Variants in FABP2 observed in about 807,000 individuals in gnomAD.
FABP2 encodes fatty acid-binding protein, intestinal.
In FABP2, 11 loss-of-function variants were observed where a neutral mutation model predicts 16.1. That is an observed-to-expected ratio of 0.68 (90% CI 0.43 to 1.13). FABP2 has a LOEUF of 1.13. Ranked by LOEUF, FABP2 falls within the 50% of genes most tolerant of loss-of-function variation. The pLI, the probability that FABP2 is intolerant of heterozygous loss-of-function variation, is 0.00. For synonymous variants in FABP2, 45 were observed against 50.9 expected (o/e 0.88, Z 0.49); for missense variants, 146 against 155.1 (o/e 0.94, Z 0.31).
chr4:119,319,464 C>T (rs2149498049), intron 3 of FABP2, 72 bp downstream of exon 3: 4 of 832,140 alleles, frequency 4.8e-6, no homozygotes, highest in East Asian at 3.0e-5. Context: ...AGATCTGGCT[C>T]AGCAGTGACA....
chr4:119,320,979 G>T lies in FABP2; in HGVS notation c.68-137C>A, dbSNP rs1578612299. ...CATTGCCTTTGCACAAGAACATTCA[G>T]ATTGCTTCTACAGAAGTTCAGGTTC... On this transcript the variant is annotated intron_variant, in intron 1 of 3. Coordinates refer to ENST00000274024, the MANE Select transcript of FABP2 (RefSeq NM_000134.4). The T allele has an allele frequency of 2.6e-5, 17 of 641,722 alleles. No individual in the cohort carries two copies. The East Asian group carries it at 5.4e-4, about 20-fold the overall frequency. 39.8% of individuals were successfully genotyped at this position (641,722 alleles called of 1,614,324 possible).
At chr4:119,321,452 C>T (rs896521934) in intron 1 of FABP2, among the ~76,000 whole-genome samples, 3 of 152,042 alleles carry the variant, frequency 2.0e-5, no homozygotes, top group Non-Finnish European at 4.4e-5. Flanking sequence ...GGGAATGACA[C>T]AAATTTGTTT....
chr4:119,319,174 A>G (rs1755624749), intron 3 of FABP2, 83 bp from the exon 4 acceptor site: 1 of 654,656 alleles, frequency 1.5e-6, no homozygotes, highest in Non-Finnish European at 2.4e-6. Flanking sequence ...GTTTTATACT[A>G]TATGAGTTTA....
chr4:119,317,782 A>C lies in FABP2; in HGVS notation c.*1259T>G, dbSNP rs1365166641. The C allele has an allele frequency of 2.0e-5, 3 of 152,064 alleles. No individual in the cohort carries two copies. The highest frequency in any genetic ancestry group is 2.1e-4 in the South Asian group (1 of 4,832). 9.4% of individuals were successfully genotyped at this position (152,064 alleles called of 1,614,324 possible). A position where few individuals can be genotyped will look rare whatever the true frequency, so the allele number is the denominator to read the frequency against. On this transcript the variant is annotated 3_prime_UTR_variant, in exon 4 of 4. Transcript: ENST00000274024. ...AAAATACAATTATGTGAAGCACATAAAATTTTACGTCATGTGAAAATATGA... is the reference window on the plus strand; with the variant it reads ...AAAATACAATTATGTGAAGCACATACAATTTTACGTCATGTGAAAATATGA...
At position 119,322,035 on chromosome 4, in the gene FABP2, C is replaced by G. The variant is rs148856496; in HGVS notation, c.67+1G>C. ...GAGCCACAAAGAAATAAAGTCTTTA[C>G]CCATTTTTTCCATGAACTTGTCATA... On this transcript the variant is annotated splice_donor_variant, in intron 1 of 3. Coordinates refer to ENST00000274024, the MANE Select transcript of FABP2 (RefSeq NM_000134.4). LOFTEE classifies it high-confidence loss of function. 2 of 1,610,390 alleles carry G rather than the reference C, an allele frequency of 1.2e-6. No homozygotes were observed. The highest frequency in any genetic ancestry group is 1.7e-6 in the Non-Finnish European group (2 of 1,177,566).
chr4:119,320,731 T>C lies in FABP2; in HGVS notation c.179A>G (p.Glu60Gly). 1 of 1,605,434 alleles carries C rather than the reference T, an allele frequency of 6.2e-7. No individual in the cohort carries two copies. Among genetic ancestry groups the C allele is most frequent in the Non-Finnish European group, 8.5e-7 (1 of 1,177,186 alleles). ...VKESSTFRNIEVVFELGVTFN... is the reference protein window; with the variant it reads ...VKESSTFRNIGVVFELGVTFN... ...GGTGACACCAAGTTCAAAAACAACT[T>C]CAATGTTTCGAAAAGTGCTTGATTC... Residue 60 changes from glutamate to glycine, a missense_variant, in exon 2 of 4, where the codon GAA becomes GGA. Physicochemically the swap from Glu to Gly is moderately conservative, Grantham distance 98. Coordinates refer to ENST00000274024, the MANE Select transcript of FABP2 (RefSeq NM_000134.4).
rs537322305 is a variant in FABP2 at position 119,320,783 on chromosome 4, G to C, written c.127C>G (p.Gln43Glu). The C allele has an allele frequency of 6.2e-7, 1 of 1,604,512 alleles. No individual in the cohort carries two copies. The highest frequency in any genetic ancestry group is 1.3e-5 in the African/African-American group (1 of 74,286). ...AHDNLKLTITQEGNKFTVKES... is the reference protein window; with the variant it reads ...AHDNLKLTITEEGNKFTVKES... Reference sequence around the variant, plus strand: ...TTGACTGTGAATTTATTTCCTTCTTGTGTAATTGTCAGCTTCAAATTGTCA... The same window carrying C: ...TTGACTGTGAATTTATTTCCTTCTTCTGTAATTGTCAGCTTCAAATTGTCA... The change falls in exon 2 of 4, where the codon CAA becomes GAA. Residue 43 changes from glutamine (Q) to glutamate (E), a missense_variant. By Grantham distance (29) the Gln-to-Glu change is conservative. Transcript: ENST00000274024.
At chr4:119,320,158 A>G (rs905026288) in intron 2 of FABP2, among the ~76,000 whole-genome samples, 1 of 152,156 alleles carries the variant, frequency 6.6e-6, no homozygotes, top group East Asian at 1.9e-4. Flanking sequence ...GGCTAAAAAA[A>G]GTTTTTAAAA....
chr4:119,318,026 A>C lies in FABP2; in HGVS notation c.*1015T>G, dbSNP rs1755607425. ...AGCGATTCTGATATAATAGAATAAC[A>C]GTGGAGATTAAGAATGCAGAAATTG... On this transcript the variant is annotated 3_prime_UTR_variant, in exon 4 of 4. Coordinates refer to ENST00000274024, the MANE Select transcript of FABP2 (RefSeq NM_000134.4). 1.3e-5 allele frequency: 2 copies of C among 152,126 alleles called. No homozygotes were observed. Among genetic ancestry groups the C allele is most frequent in the South Asian group, 4.1e-4 (2 of 4,830 alleles). The allele number at this position is 152,126 out of a possible 1,614,324, so 9.4% of individuals were successfully genotyped here.
In FABP2 at chr4:119,317,702, G is replaced by C. The variant is rs1452732230; in HGVS notation, c.*1339C>G. 1 of 152,034 alleles carries C rather than the reference G, an allele frequency of 6.6e-6. No individual in the cohort carries two copies. The highest frequency in any genetic ancestry group is 6.6e-5 in the Admixed American group (1 of 15,240). The allele number at this position is 152,034 out of a possible 1,614,324, so 9.4% of individuals were successfully genotyped here. On this transcript the variant is annotated 3_prime_UTR_variant, in exon 4 of 4. Transcript: ENST00000274024. ...TTTGTCAAAAGTCTATAGAGTTGCA[G>C]CTGCAAATGCTTAAAAATTGTACCC...
chr4:119,320,920 T>C, intron 1 of FABP2, 78 bp from the exon 2 acceptor site: 2 of 1,285,508 alleles, frequency 1.6e-6, no homozygotes, highest in South Asian at 3.3e-5. Flanking sequence ...ATGTTTTGTT[T>C]GTTTATTTTG....
chr4:119,318,991 A>G lies in FABP2; in HGVS notation c.*50T>C, dbSNP rs1444431458. On this transcript the variant is annotated 3_prime_UTR_variant, in exon 4 of 4. Coordinates refer to ENST00000274024, the MANE Select transcript of FABP2 (RefSeq NM_000134.4). ...GTGAAATAAATAGTTCTGGTACAATATAGATCTTCTGTCCAATTTGTATTT... is the reference window on the plus strand; with the variant it reads ...GTGAAATAAATAGTTCTGGTACAATGTAGATCTTCTGTCCAATTTGTATTT... The G allele has an allele frequency of 2.8e-6, 4 of 1,415,596 alleles. No individual in the cohort carries two copies. Among genetic ancestry groups the G allele is most frequent in the Admixed American group, 3.8e-5 (2 of 52,484 alleles). The allele number at this position is 1,415,596 out of a possible 1,614,324, so 87.7% of individuals were successfully genotyped here.
intron 1 of FABP2, among the ~76,000 whole-genome samples, 167 bp from the exon 2 acceptor site, chr4:119,321,009 A>T (rs6823963): frequency 3.3e-5 from 5 of 151,712 alleles, no homozygotes; most frequent in Admixed American, 6.6e-5. Flanking sequence ...AGGTTCAATC[A>T]GATCAAGAGA....
chr4:119,320,949 G>A (rs575466201), intron 1 of FABP2, 107 bp from the exon 2 acceptor site: 12 of 861,896 alleles, frequency 1.4e-5, no homozygotes, highest in East Asian at 1.2e-4. Flanking sequence ...AAGAAAACTC[G>A]GTAGCATTGC....
intron 2 of FABP2, 96 bp downstream of exon 2, chr4:119,320,574 C>A: frequency 3.1e-6 from 3 of 971,198 alleles, no homozygotes; most frequent in Admixed American, 5.8e-5. Context: ...AGGAGACCTG[C>A]ATTAATTAAA....
intron 1 of FABP2, 56 bp downstream of exon 1, chr4:119,321,976 TAGAA>T: frequency 1.4e-6 from 2 of 1,391,562 alleles, no homozygotes; most frequent in Non-Finnish European, 2.0e-6. Flanking sequence ...ATTTAGGAGT[TAGAA>T]AGAAAAATGT....
Position 119,318,932 on chromosome 4 carries a change from G to T in FABP2, c.*109C>A. On this transcript the variant is annotated 3_prime_UTR_variant, in exon 4 of 4. Coordinates refer to ENST00000274024, the MANE Select transcript of FABP2 (RefSeq NM_000134.4). ...TGGAAATATACCAATGTTTATAAAAGGACCAATCAATCAGTAACCTTATAC... is the reference window on the plus strand; with the variant it reads ...TGGAAATATACCAATGTTTATAAAATGACCAATCAATCAGTAACCTTATAC... The T allele has an allele frequency of 1.3e-6, 1 of 774,314 alleles. No homozygotes were observed. Among genetic ancestry groups the T allele is most frequent in the Non-Finnish European group, 2.1e-6 (1 of 481,454 alleles). 48.0% of individuals were successfully genotyped at this position (774,314 alleles called of 1,614,324 possible). A position where few individuals can be genotyped will look rare whatever the true frequency, so the allele number is the denominator to read the frequency against.
chr4:119,322,060 AGT>A lies in FABP2; in HGVS notation c.41_42del (p.Asn14IlefsTer2). The A allele has an allele frequency of 6.2e-7, 1 of 1,613,514 alleles. No individual in the cohort carries two copies. The highest frequency in any genetic ancestry group is 8.5e-7 in the Non-Finnish European group (1 of 1,179,710). ...CCCATTTTTTCCATGAACTTGTCAT[AGT>A]TTTCACTCCGGTCTACCTTCCAAGT... is the stretch of plus-strand genomic sequence containing the variant. ...DSTWKVDRSE[N>X]YDKFMEKMGV... On this transcript the variant is annotated frameshift_variant, in exon 1 of 4. Coordinates refer to ENST00000274024, the MANE Select transcript of FABP2 (RefSeq NM_000134.4). LOFTEE classifies it high-confidence loss of function.
rs369515260 is a variant in FABP2, at chr4:119,320,835, A to G, written c.75T>C (p.Asn25=). Residue 25 remains asparagine (N), a synonymous_variant, in exon 2 of 4, where the codon AAT becomes AAC. Transcript: ENST00000274024. ...GAGCTGCAAGCTTCCTTTTCACTAT[A>G]TTAACACCTGTAAAAGGTAAGACAA... ...YDKFMEKMGV[N]IVKRKLAAHD... The G allele has an allele frequency of 4.6e-5, 72 of 1,573,248 alleles. No homozygotes were observed. The Middle Eastern group carries it at 6.8e-4, about 15-fold the overall frequency.
Sources: gnomAD v4.1 joint callset for allele counts (sites outside exome capture counted in the v4.1 genomes callset) on GRCh38, gnomAD v4.1.1 for gene constraint, MANE v1.5 for transcripts, NCBI Gene and HGNC (gene_info 2026-07-23, HGNC 2026-07-21) for gene names.